Variants in MAN2A1 observed in about 807,000 individuals in gnomAD.
The protein encoded by MAN2A1 is mannosidase alpha class 2A member 1.
MAN2A1 carries 76 observed loss-of-function variants against 142.6 expected under a neutral mutation model. That is an observed-to-expected ratio of 0.53 (90% CI 0.44 to 0.65). The LOEUF (loss-of-function observed/expected upper bound fraction) is 0.65. Among genes scored for constraint, MAN2A1 ranks in the 30% least tolerant of loss-of-function variants. The pLI is 0.00. For missense variants in MAN2A1, 1,311 were observed against 1,365.1 expected (o/e 0.96, Z 0.62); for synonymous variants, 559 against 473.2 (o/e 1.18, Z -2.35).
intron 5 of MAN2A1, among the ~76,000 whole-genome samples, chr5:109,763,284 A>G (rs1474250292): frequency 1.3e-5 from 2 of 152,152 alleles, no homozygotes; most frequent in African/African-American, 4.8e-5. Context: ...ACCTCTATGA[A>G]TTTAATTAGT....
chr5:109,857,445 A>G, intron 20 of MAN2A1, among the ~76,000 whole-genome samples: 1 of 152,154 alleles, frequency 6.6e-6, no homozygotes, highest in South Asian at 2.1e-4. Context: ...ACCACCCAGC[A>G]TAGATGGTAG....
intron 16 of MAN2A1, among the ~76,000 whole-genome samples, chr5:109,836,874 C>A (rs1180665317): frequency 2.0e-5 from 3 of 152,012 alleles, no homozygotes; most frequent in Non-Finnish European, 4.4e-5. Context: ...CACGGTCTTA[C>A]AACTGTAGAA....
intron 19 of MAN2A1, chr5:109,854,775 A>C (rs1355118826): frequency 2.5e-5 from 4 of 162,470 alleles, no homozygotes; most frequent in Non-Finnish European, 4.0e-5. Flanking sequence ...TTGATGATGC[A>C]CAACATATAA....
intron 1 of MAN2A1, among the ~76,000 whole-genome samples, chr5:109,712,275 T>C (rs1254311730): frequency 6.6e-6 from 1 of 152,190 alleles, no homozygotes; most frequent in African/African-American, 2.4e-5. Context: ...TTGTGTGTTA[T>C]ATGGTCTTTC....
rs541600841 is a variant in MAN2A1, at chr5:109,724,905, T to C, written c.536-4437T>C. On this transcript the variant is annotated intron_variant, in intron 3 of 21. Coordinates refer to ENST00000261483, the MANE Select transcript of MAN2A1 (RefSeq NM_002372.4). Reference sequence around the variant, plus strand: ...AGTGAACATATTAAAGCTAATATGGTTGTATTATTTTATCTTTAGTTTCAT... The same window carrying C: ...AGTGAACATATTAAAGCTAATATGGCTGTATTATTTTATCTTTAGTTTCAT... Among the ~76,000 whole-genome samples the C allele has an allele frequency of 2.6e-5, 4 of 152,288 alleles. No homozygotes were observed. The South Asian group carries it at 8.3e-4, about 32-fold the overall frequency.
chr5:109,770,623 G>C (rs1561503361), intron 7 of MAN2A1, 82 bp downstream of exon 7: 4 of 1,257,742 alleles, frequency 3.2e-6, no homozygotes, highest in Non-Finnish European at 1.1e-6. Context: ...TTGAACAAAT[G>C]GGCTTTATTA....
At chr5:109,842,564 T>A in intron 17 of MAN2A1, 103 bp downstream of exon 17, 1 of 704,010 alleles carries the variant, frequency 1.4e-6, no homozygotes, top group Non-Finnish European at 2.2e-6. Flanking sequence ...AAAGTATACT[T>A]AAAGTTGCAA....
chr5:109,706,495 A>G (rs547673996), intron 1 of MAN2A1, among the ~76,000 whole-genome samples: 2 of 152,354 alleles, frequency 1.3e-5, no homozygotes, highest in Admixed American at 1.3e-4. Flanking sequence ...ACTGAGGCCC[A>G]GGATTAAGTT....
At chr5:109,726,501 G>A (rs1751749416) in intron 3 of MAN2A1, among the ~76,000 whole-genome samples, 1 of 152,116 alleles carries the variant, frequency 6.6e-6, no homozygotes, top group Non-Finnish European at 1.5e-5. Context: ...ACGCTTTCAG[G>A]TTGACCTCTC....
rs1750622430 is a variant in MAN2A1 at position 109,690,178 on chromosome 5, TCTCGC to T, written c.-235_-231del. ...GCCCCCCTTCCCAGTTGCCGGCGAG[TCTCGC>T]CTCGAGAGGGGCGCCCGACCCCGGG... On this transcript the variant is annotated 5_prime_UTR_variant, in exon 1 of 22. Coordinates refer to ENST00000261483, the MANE Select transcript of MAN2A1 (RefSeq NM_002372.4). The T allele has an allele frequency of 2.1e-6, 1 of 472,774 alleles. No individual in the cohort carries two copies. The allele number at this position is 472,774 out of a possible 1,614,324, so 29.3% of individuals were successfully genotyped here.
chr5:109,717,347 C>T (rs575652221), intron 3 of MAN2A1, among the ~76,000 whole-genome samples: 2 of 151,758 alleles, frequency 1.3e-5, no homozygotes, highest in South Asian at 2.1e-4. Flanking sequence ...TTTTTTTGTG[C>T]GTGTGTGCTG....
At chr5:109,758,601 A>G (rs1325050038) in intron 5 of MAN2A1, among the ~76,000 whole-genome samples, 1 of 150,696 alleles carries the variant, frequency 6.6e-6, no homozygotes, top group Non-Finnish European at 1.5e-5. Flanking sequence ...AAGATGTACT[A>G]CTGTCTTTAA....
At chr5:109,722,426 G>A (rs1361825767) in intron 3 of MAN2A1, among the ~76,000 whole-genome samples, 2 of 151,946 alleles carry the variant, frequency 1.3e-5, no homozygotes, top group East Asian at 1.9e-4. Context: ...GTTTTGTTTT[G>A]TTTTTTGAGA....
chr5:109,824,763 C>T (rs1273538700), intron 16 of MAN2A1, among the ~76,000 whole-genome samples: 1 of 152,098 alleles, frequency 6.6e-6, no homozygotes, highest in Non-Finnish European at 1.5e-5. Context: ...CAAAGGGATA[C>T]TATGTTCAGG....
At chr5:109,751,325 T>C (rs769676878) in intron 4 of MAN2A1, among the ~76,000 whole-genome samples, 2 of 152,238 alleles carry the variant, frequency 1.3e-5, no homozygotes, top group African/African-American at 2.4e-5. Context: ...ACAAATGATA[T>C]GATTTCATAG....
In MAN2A1 at chr5:109,833,799, C is replaced by T. The variant is rs529811483; in HGVS notation, c.2567-8529C>T. Among the ~76,000 whole-genome samples the T allele has an allele frequency of 5.9e-5, 9 of 152,242 alleles. No individual in the cohort carries two copies. In the East Asian group the frequency reaches 1.5e-3, roughly 26 times the overall value. On this transcript the variant is annotated intron_variant, in intron 16 of 21. Coordinates refer to ENST00000261483, the MANE Select transcript of MAN2A1 (RefSeq NM_002372.4). The stretch of plus-strand genomic sequence containing the variant: ...TGCCATAAGCCACAGACTGATCTAT[C>T]GTCAAACATTAATTTTAATCAATTA...
Position 109,770,502 on chromosome 5 carries a change from T to G in MAN2A1, c.1157T>G (p.Val386Gly). The change falls in exon 7 of 22, where the codon GTC becomes GGC. Residue 386 changes from valine to glycine, a missense_variant. By Grantham distance (109) the Val-to-Gly change is moderately radical. Around this residue, in one of 3 missense-constraint regions of MAN2A1, gnomAD observed 890 missense variants for 920.5 expected, o/e 0.97. Coordinates refer to ENST00000261483, the MANE Select transcript of MAN2A1 (RefSeq NM_002372.4). ...PGGRFGCPWG[V>G]PPETIHPGNV... ...GGCAGATTTGGTTGTCCCTGGGGAG[T>G]CCCCCCAGAAACAATACATCCTGGA... The G allele has an allele frequency of 6.2e-7, 1 of 1,613,436 alleles. No homozygotes were observed. Among genetic ancestry groups the G allele is most frequent in the Non-Finnish European group, 8.5e-7 (1 of 1,179,738 alleles).
In MAN2A1 at chr5:109,779,148, A is replaced by G. The variant is rs189172704; in HGVS notation, c.1375-2248A>G. Among the ~76,000 whole-genome samples, 8 of 152,282 alleles carry G rather than the reference A, an allele frequency of 5.3e-5. No individual in the cohort carries two copies. The East Asian group carries it at 1.5e-3, about 29-fold the overall frequency. ...ATTACTTTAAAAAATACTCTAGCAC[A>G]GGTACTGAGTTATTTTTCTACCCTT... On this transcript the variant is annotated intron_variant, in intron 8 of 21. Transcript: ENST00000261483.
At chr5:109,715,935 T>C (rs1205059544) in intron 2 of MAN2A1, among the ~76,000 whole-genome samples, 185 bp from the exon 3 acceptor site, 1 of 152,110 alleles carries the variant, frequency 6.6e-6, no homozygotes, top group Non-Finnish European at 1.5e-5. Context: ...GTAGCACAAA[T>C]AGCATTTCAA....
Sources: gnomAD v4.1 joint callset for allele counts (sites outside exome capture counted in the v4.1 genomes callset) on GRCh38, gnomAD v4.1.1 for gene constraint, gnomAD v4.1.1 regional missense constraint, MANE v1.5 for transcripts, NCBI Gene and HGNC (gene_info 2026-07-23, HGNC 2026-07-21) for gene names.